Variants in LIN54 observed in about 807,000 individuals in gnomAD.
The protein encoded by LIN54 is protein lin-54 homolog.
LIN54 carries 9 observed loss-of-function variants against 78.7 expected under a neutral mutation model. The observed-to-expected ratio is 0.11, with a 90% confidence interval of 0.07 to 0.20. The LOEUF is 0.20. Among genes scored for constraint, LIN54 ranks in the 10% least tolerant of loss-of-function variants. LIN54 has a pLI of 1.00. For missense variants in LIN54, 573 were observed against 889.9 expected (o/e 0.64, Z 4.53); for synonymous variants, 269 against 318.4 (o/e 0.84, Z 1.65).
chr4:82,986,694 C>T lies in LIN54; in HGVS notation c.-32-1818G>A, dbSNP rs77780561. Among the ~76,000 whole-genome samples the T allele has an allele frequency of 8.4e-3, 1,008 of 119,898 alleles. 16 individuals carry two copies. The highest frequency in any genetic ancestry group is 0.036 in the African/African-American group (963 of 26,682). The allele number at this position is 119,898 out of a possible 152,430, so 78.7% of individuals were successfully genotyped here. A position where few individuals can be genotyped will look rare whatever the true frequency, so the allele number is the denominator to read the frequency against. On this transcript the variant is annotated intron_variant, in intron 1 of 12. Transcript: ENST00000340417. ...ACTTGAGCCGGGCGACAGAGCGAGACCCCATCTCAAAAAAAAAAAAAAAAA... is the reference window on the plus strand; with the variant it reads ...ACTTGAGCCGGGCGACAGAGCGAGATCCCATCTCAAAAAAAAAAAAAAAAA...
intron 1 of LIN54, among the ~76,000 whole-genome samples, chr4:83,009,904 A>C (rs139043295): frequency 6.6e-6 from 1 of 152,244 alleles, no homozygotes; most frequent in Non-Finnish European, 1.5e-5. Flanking sequence ...CAGGAGGGTG[A>C]GTATAGAGAA....
intron 9 of LIN54, among the ~76,000 whole-genome samples, 168 bp from the exon 10 acceptor site, chr4:82,936,549 C>T (rs1722407384): frequency 6.6e-6 from 1 of 152,178 alleles, no homozygotes; most frequent in African/African-American, 2.4e-5. Context: ...TATTGTCAAC[C>T]ACATACTAAG....
In LIN54 at chr4:82,924,729, G is replaced by C. The variant is rs1721334827; in HGVS notation, c.*3373C>G. On this transcript the variant is annotated 3_prime_UTR_variant, in exon 13 of 13. Transcript: ENST00000340417. ...TAATGACAAAATGTGCATTCAAGAA[G>C]CCCTAACAAGAAAAGCCTGAAGTAA... The C allele has an allele frequency of 6.6e-6, 1 of 151,774 alleles. No individual in the cohort carries two copies. Among genetic ancestry groups the C allele is most frequent in the South Asian group, 2.1e-4 (1 of 4,822 alleles). 9.4% of individuals were successfully genotyped at this position (151,774 alleles called of 1,614,324 possible).
intron 1 of LIN54, among the ~76,000 whole-genome samples, chr4:82,994,706 A>AT (rs34088174): frequency 0.78 from 118,711 of 151,602 alleles, 46,783 homozygotes; most frequent in Admixed American, 0.82. Flanking sequence ...AGCCAAGAAC[A>AT]TTTTTTTTAA....
In LIN54 at chr4:82,956,116, T is replaced by TTTTTTAGTA. The variant is rs1414855883; in HGVS notation, c.952-9651_952-9643dup. ...GCACCTGCTACCACGCGCGGCTAAA[T>TTTTTTAGTA]TTTTTAGTATTTTTAGTAGAAATGG... On this transcript the variant is annotated intron_variant, in intron 4 of 12. Coordinates refer to ENST00000340417, the MANE Select transcript of LIN54 (RefSeq NM_194282.4). 2.6e-5 allele frequency among the ~76,000 whole-genome samples: 4 copies of TTTTTTAGTA among 152,064 alleles called. No homozygotes were observed. In the East Asian group the frequency reaches 7.8e-4, roughly 30 times the overall value.
At chr4:82,993,460 C>T (rs1014630606) in intron 1 of LIN54, among the ~76,000 whole-genome samples, 2 of 151,902 alleles carry the variant, frequency 1.3e-5, no homozygotes, top group Admixed American at 6.6e-5. Context: ...TCAGGTGATC[C>T]GCCTGCCTCG....
chr4:82,965,533 G>A (rs1039475085), intron 4 of LIN54, among the ~76,000 whole-genome samples: 1 of 152,208 alleles, frequency 6.6e-6, no homozygotes, highest in African/African-American at 2.4e-5. Flanking sequence ...GTCTGCAGGT[G>A]AAGCAGGGTC....
At chr4:83,002,739 A>G (rs1193905851) in intron 1 of LIN54, among the ~76,000 whole-genome samples, 5 of 152,108 alleles carry the variant, frequency 3.3e-5, no homozygotes, top group African/African-American at 1.2e-4. Context: ...TTGTAATAAC[A>G]TTTTTTCTCT....
chr4:82,985,104 C>T (rs547359591), intron 1 of LIN54, among the ~76,000 whole-genome samples: 1 of 152,332 alleles, frequency 6.6e-6, no homozygotes, highest in Admixed American at 6.5e-5. Flanking sequence ...AACATTCTTA[C>T]TCTCGTCTCA....
At chr4:82,954,817 C>CA (rs1469127616) in intron 4 of LIN54, among the ~76,000 whole-genome samples, 1 of 151,910 alleles carries the variant, frequency 6.6e-6, no homozygotes, top group East Asian at 1.9e-4. Context: ...GGTCCACATG[C>CA]AAAAAAAGGA....
At chr4:82,982,781 A>T (rs1477014587) in intron 2 of LIN54, among the ~76,000 whole-genome samples, 1 of 152,228 alleles carries the variant, frequency 6.6e-6, no homozygotes, top group African/African-American at 2.4e-5. Context: ...AAGATTTAAG[A>T]AATTCTACAA....
chr4:82,979,939 CAAAAAAAA>C (rs70943176), intron 2 of LIN54, among the ~76,000 whole-genome samples: 27 of 49,854 alleles, frequency 5.4e-4, no homozygotes, highest in Middle Eastern at 0.014. Context: ...GACTCTGTCT[CAAAAAAAA>C]AAAAAAAAAA....
intron 3 of LIN54, among the ~76,000 whole-genome samples, chr4:82,972,429 C>T (rs1306025641): frequency 6.6e-6 from 1 of 152,106 alleles, no homozygotes; most frequent in Non-Finnish European, 1.5e-5. Flanking sequence ...ATCATAATTA[C>T]ATAAAGTCAA....
chr4:83,005,283 C>T (rs1729247732), intron 1 of LIN54, among the ~76,000 whole-genome samples: 1 of 147,486 alleles, frequency 6.8e-6, no homozygotes, highest in Non-Finnish European at 1.5e-5. Context: ...TAGGACAATA[C>T]TGGAGATTCA....
upstream of LIN54, chr4:83,010,944 G>T: frequency 1.3e-6 from 1 of 791,508 alleles, no homozygotes; most frequent in Non-Finnish European, 1.7e-6. Flanking sequence ...CCGTGCAAGT[G>T]CACACGGGCT....
chr4:82,939,760 A>G (rs1365330346), intron 6 of LIN54, 24 bp from the exon 7 acceptor site: 1 of 1,613,162 alleles, frequency 6.2e-7, no homozygotes, highest in Admixed American at 1.7e-5. Context: ...ACATATATCA[A>G]TGACCACAAA....
Position 82,989,203 on chromosome 4 carries a change from T to A in LIN54, c.-32-4327A>T, listed in dbSNP as rs187484852. Among the ~76,000 whole-genome samples, 56 of 151,024 alleles carry A rather than the reference T, an allele frequency of 3.7e-4. 1 individual carries two copies. The highest frequency in any genetic ancestry group is 1.3e-3 in the African/African-American group (54 of 41,174). ...ACTCTCTCTCAAGAAAAAAAAAAAA[T>A]ACCAGGTTTACAGTCTTATTGAATT... On this transcript the variant is annotated intron_variant, in intron 1 of 12. Transcript: ENST00000340417.
intron 5 of LIN54, 136 bp from the exon 6 acceptor site, chr4:82,940,098 A>G: frequency 1.5e-6 from 1 of 664,670 alleles, no homozygotes; most frequent in Admixed American, 3.1e-5. Flanking sequence ...AATTTGAGCA[A>G]TCTTTAATCA....
intron 4 of LIN54, among the ~76,000 whole-genome samples, chr4:82,964,903 C>T (rs1254091893): frequency 3.3e-5 from 5 of 152,010 alleles, no homozygotes; most frequent in Admixed American, 1.3e-4. Flanking sequence ...GAAGCTGAGG[C>T]AGGAGAATCA....
Sources: gnomAD v4.1 joint callset for allele counts (sites outside exome capture counted in the v4.1 genomes callset) on GRCh38, gnomAD v4.1.1 for gene constraint, MANE v1.5 for transcripts, NCBI Gene and HGNC (gene_info 2026-07-23, HGNC 2026-07-21) for gene names.